ADGRG6: variants seen among roughly 807,000 people sequenced by gnomAD.
ADGRG6 encodes adhesion G protein-coupled receptor G6.
In ADGRG6, 84 loss-of-function variants were observed where a neutral mutation model predicts 142.4. The observed-to-expected ratio is 0.59, with a 90% CI of 0.49 to 0.71. The LOEUF is 0.71. ADGRG6 is among the 30% of genes least tolerant of loss of function. The pLI is 0.00. For synonymous variants in ADGRG6, 521 were observed against 520.5 expected, an observed-to-expected ratio of 1.00 and a Z score of -0.01; for missense variants, 1,367 against 1,466.6, an observed-to-expected ratio of 0.93 and a Z score of 1.11.
intron 2 of ADGRG6, among the ~76,000 whole-genome samples, chr6:142,338,287 C>T (rs1269141525): frequency 2.7e-5 from 4 of 150,912 alleles, no homozygotes; most frequent in Admixed American, 2.6e-4. Context: ...GGATTACAGG[C>T]ATGAGCCACC....
chr6:142,406,507 AATGTG>A (rs1775815656), intron 15 of ADGRG6, among the ~76,000 whole-genome samples: 1 of 152,212 alleles, frequency 6.6e-6, no homozygotes, highest in African/African-American at 2.4e-5. Context: ...CATATTGAAC[AATGTG>A]ACTTATATAA....
chr6:142,387,853 A>T (rs1303282854), intron 6 of ADGRG6, among the ~76,000 whole-genome samples: 2 of 152,194 alleles, frequency 1.3e-5, no homozygotes, highest in African/African-American at 4.8e-5. Context: ...CTAAATGGAA[A>T]ATGGATATAT....
intron 1 of ADGRG6, among the ~76,000 whole-genome samples, chr6:142,308,975 A>G (rs1777632625): frequency 6.6e-6 from 1 of 151,868 alleles, no homozygotes. Context: ...GCCATTTAAA[A>G]ACTTGATAGC....
intron 6 of ADGRG6, 55 bp from the exon 7 acceptor site, chr6:142,390,200 GATA>G: frequency 1.4e-6 from 1 of 732,436 alleles, no homozygotes; most frequent in East Asian, 3.0e-5. Context: ...TAAATTGTTT[GATA>G]ATTATATAAC....
intron 2 of ADGRG6, among the ~76,000 whole-genome samples, chr6:142,313,172 C>CT (rs1441882557): frequency 3.3e-5 from 5 of 151,704 alleles, no homozygotes; most frequent in Non-Finnish European, 7.4e-5. Context: ...TGATGAATTT[C>CT]TTTTTTTAAA....
At chr6:142,407,761 T>C (rs1418959552) in intron 15 of ADGRG6, among the ~76,000 whole-genome samples, 1 of 152,232 alleles carries the variant, frequency 6.6e-6, no homozygotes, top group Admixed American at 6.5e-5. Context: ...CCATATTTTC[T>C]TCATACTTCT....
At chr6:142,392,371 A>G (rs1027378720) in intron 7 of ADGRG6, among the ~76,000 whole-genome samples, 2 of 151,936 alleles carry the variant, frequency 1.3e-5, no homozygotes, top group African/African-American at 4.8e-5. Flanking sequence ...AGACTGCTAA[A>G]TAACCACATA....
chr6:142,387,748 T>C (rs1359648156), intron 6 of ADGRG6, among the ~76,000 whole-genome samples: 3 of 152,166 alleles, frequency 2.0e-5, no homozygotes, highest in Admixed American at 1.3e-4. Context: ...GAAAGATTAA[T>C]TGGAGAGAGA....
intron 4 of ADGRG6, among the ~76,000 whole-genome samples, chr6:142,381,286 TTG>T (rs1319463054): frequency 1.3e-5 from 2 of 152,186 alleles, no homozygotes; most frequent in East Asian, 1.9e-4. Flanking sequence ...ATATTTGTAT[TTG>T]TGTGTGTTTA....
intron 2 of ADGRG6, among the ~76,000 whole-genome samples, chr6:142,348,208 G>A (rs1341573198): frequency 6.6e-6 from 1 of 152,070 alleles, no homozygotes; most frequent in Non-Finnish European, 1.5e-5. Context: ...TGAATGATAG[G>A]TTTATGTTCT....
chr6:142,427,141 A>G (rs1009344776), intron 22 of ADGRG6, among the ~76,000 whole-genome samples: 1 of 152,192 alleles, frequency 6.6e-6, no homozygotes, highest in Non-Finnish European at 1.5e-5. Flanking sequence ...ACCTCAGAAA[A>G]TGGCATTATC....
At chr6:142,380,759 C>G (rs927197455) in intron 4 of ADGRG6, among the ~76,000 whole-genome samples, 1 of 152,194 alleles carries the variant, frequency 6.6e-6, no homozygotes, top group East Asian at 1.9e-4. Flanking sequence ...TCCTTTGGGC[C>G]ACTGCCACCT....
intron 22 of ADGRG6, among the ~76,000 whole-genome samples, chr6:142,421,089 G>A (rs1776634197): frequency 1.3e-5 from 2 of 152,264 alleles, no homozygotes; most frequent in South Asian, 4.1e-4. Context: ...GCCAAGGTGG[G>A]TACTCCCTGC....
intron 2 of ADGRG6, among the ~76,000 whole-genome samples, chr6:142,363,079 A>G (rs982223839): frequency 6.6e-6 from 1 of 152,186 alleles, no homozygotes; most frequent in African/African-American, 2.4e-5. Flanking sequence ...ATTAGCTGCA[A>G]TTTTATATAT....
chr6:142,443,243 T>C, intron 24 of ADGRG6, 94 bp from the exon 25 acceptor site: 1 of 687,218 alleles, frequency 1.5e-6, no homozygotes, highest in East Asian at 2.7e-5. Context: ...TCTTTTGTTC[T>C]TCTTTAATGT....
intron 4 of ADGRG6, among the ~76,000 whole-genome samples, chr6:142,380,256 T>TA (rs1781705891): frequency 6.6e-6 from 1 of 152,100 alleles, no homozygotes; most frequent in Non-Finnish European, 1.5e-5. Flanking sequence ...TGGAGGGGTG[T>TA]AATGAGGCAT....
chr6:142,312,489 T>A (rs747341503), intron 2 of ADGRG6, among the ~76,000 whole-genome samples: 71 of 152,066 alleles, frequency 4.7e-4, no homozygotes, highest in Non-Finnish European at 7.7e-4. Flanking sequence ...ATATTTACAC[T>A]TGTACCATAG....
In ADGRG6 at chr6:142,402,041, A is replaced by C. The variant is rs1444546802; in HGVS notation, c.1727A>C (p.Asp576Ala). 1.3e-6 allele frequency: 2 copies of C among 1,549,824 alleles called. No homozygotes were observed. The highest frequency in any genetic ancestry group is 3.5e-5 in the Admixed American group (2 of 57,696). Residue 576 changes from aspartate (D) to alanine (A), a missense_variant, in exon 12 of 25, where the codon GAT becomes GCT. Coordinates refer to ENST00000367609, the MANE Select transcript of ADGRG6 (RefSeq NM_198569.3). ...TTGGTAACCTACTGGGGACCTGTTG[A>C]TATCTCCAACTGTTTAAGTAAGTGA... ...NPLVTYWGPV[D>A]ISNCLKEANE...
chr6:142,402,007 A>G lies in ADGRG6; in HGVS notation c.1693A>G (p.Thr565Ala), dbSNP rs746431638. The change falls in exon 12 of 25, where the codon ACC (threonine) becomes GCC (alanine). Residue 565 changes from threonine to alanine, a missense_variant. Thr to Ala is a moderately conservative substitution (Grantham distance 58). Coordinates refer to ENST00000367609, the MANE Select transcript of ADGRG6 (RefSeq NM_198569.3). ...SASRICFYNA[T>A]NPLVTYWGPV... ...TTTGTTTCATAGTTTTTACAATGCTACCAACCCATTGGTAACCTACTGGGG... is the reference window on the plus strand; with the variant it reads ...TTTGTTTCATAGTTTTTACAATGCTGCCAACCCATTGGTAACCTACTGGGG... The G allele has an allele frequency of 8.6e-6, 13 of 1,514,900 alleles. No homozygotes were observed. Among genetic ancestry groups the G allele is most frequent in the African/African-American group, 6.9e-5 (5 of 72,942 alleles). 93.8% of individuals were successfully genotyped at this position (1,514,900 alleles called of 1,614,324 possible).
Sources: gnomAD v4.1 joint callset for allele counts (sites outside exome capture counted in the v4.1 genomes callset) on GRCh38, gnomAD v4.1.1 for gene constraint, MANE v1.5 for transcripts, NCBI Gene and HGNC (gene_info 2026-07-23, HGNC 2026-07-21) for gene names.